RBFOX1: variants seen among roughly 807,000 people sequenced by gnomAD.
RBFOX1 encodes the protein RNA binding fox-1 homolog 1, also known as RNA binding protein fox-1 homolog 1.
In RBFOX1, 8 loss-of-function variants were observed where a neutral mutation model predicts 57.7. The ratio of observed to expected loss-of-function variants is 0.14; its 90% CI spans 0.08 to 0.25. The LOEUF (loss-of-function observed/expected upper bound fraction) is 0.25, where lower values mean the gene tolerates loss of function less well. RBFOX1 is among the 10% of genes least tolerant of loss of function. RBFOX1 has a pLI of 1.00. For missense variants in RBFOX1, 611 were observed against 548.5 expected (o/e 1.11, Z -1.14); for synonymous variants, 326 against 222.4 (o/e 1.47, Z -4.15).
At chr16:6,059,601 T>C (rs1233153869) in intron 1 of RBFOX1, among the ~76,000 whole-genome samples, 1 of 146,958 alleles carries the variant, frequency 6.8e-6, no homozygotes, top group African/African-American at 2.7e-5. Context: ...TGTGTTTAAA[T>C]GGGTTCTCTG....
intron 1 of RBFOX1, among the ~76,000 whole-genome samples, chr16:5,447,192 A>G (rs2068268914): frequency 6.6e-6 from 1 of 152,032 alleles, no homozygotes. Flanking sequence ...TTCCCCTCAA[A>G]GGAGTATTGT....
At chr16:7,388,571 A>T (rs2097923500) in intron 4 of RBFOX1, among the ~76,000 whole-genome samples, 2 of 150,868 alleles carry the variant, frequency 1.3e-5, no homozygotes, top group South Asian at 2.1e-4. Context: ...CCCTTACCTC[A>T]TATGGTTCTA....
chr16:5,613,759 A>G (rs1279450270), intron 3 of RBFOX1, among the ~76,000 whole-genome samples: 1 of 151,768 alleles, frequency 6.6e-6, no homozygotes, highest in African/African-American at 2.4e-5. Flanking sequence ...TCCAAGTTCA[A>G]GGTTCTGTCA....
chr16:5,716,924 C>A (rs1021434711), intron 3 of RBFOX1, among the ~76,000 whole-genome samples: 12 of 152,258 alleles, frequency 7.9e-5, no homozygotes, highest in Middle Eastern at 3.4e-3. Context: ...AGCACCGGAG[C>A]CTGGATTTGC....
At chr16:6,938,596 A>G (rs182466770) in intron 3 of RBFOX1, among the ~76,000 whole-genome samples, 39 of 151,726 alleles carry the variant, frequency 2.6e-4, no homozygotes, top group African/African-American at 8.7e-4. Context: ...TCCTCTGGCT[A>G]TGTGTGGTGG....
intron 1 of RBFOX1, among the ~76,000 whole-genome samples, chr16:6,233,173 T>C (rs1287780612): frequency 6.6e-6 from 1 of 152,132 alleles, no homozygotes; most frequent in Non-Finnish European, 1.5e-5. Flanking sequence ...TGTATTGTGA[T>C]TGGGTTTGGA....
chr16:7,314,268 T>C (rs1163244288), intron 4 of RBFOX1, among the ~76,000 whole-genome samples: 1 of 152,172 alleles, frequency 6.6e-6, no homozygotes, highest in Non-Finnish European at 1.5e-5. Flanking sequence ...CGGCACCGTA[T>C]TAATGATTTA....
chr16:6,264,725 T>G (rs2097722581), intron 1 of RBFOX1, among the ~76,000 whole-genome samples: 1 of 152,222 alleles, frequency 6.6e-6, no homozygotes, highest in African/African-American at 2.4e-5. Flanking sequence ...GAGGCCTAAG[T>G]GCCAGGCAGG....
chr16:7,697,212 G>A (rs1175253694), intron 14 of RBFOX1, among the ~76,000 whole-genome samples: 2 of 152,180 alleles, frequency 1.3e-5, no homozygotes, highest in East Asian at 1.9e-4. Flanking sequence ...GCTTGGGTTA[G>A]TGGGGTGGCT....
At chr16:5,485,345 C>CAAAAAAAAAAAAAAAAAAA (rs71142624) in intron 2 of RBFOX1, among the ~76,000 whole-genome samples, 5 of 51,668 alleles carry the variant, frequency 9.7e-5, no homozygotes, top group Admixed American at 3.0e-4. Context: ...GACTCCGTGT[C>CAAAAAAAAAAAAAAAAAAA]AAAAAAAAAA....
intron 3 of RBFOX1, among the ~76,000 whole-genome samples, chr16:6,898,111 C>G (rs778714338): frequency 6.6e-6 from 1 of 152,200 alleles, no homozygotes; most frequent in African/African-American, 2.4e-5. Flanking sequence ...GTAAATTCCA[C>G]ACCATATTCA....
At chr16:7,203,528 T>C (rs979985064) in intron 4 of RBFOX1, among the ~76,000 whole-genome samples, 53 of 152,360 alleles carry the variant, frequency 3.5e-4, no homozygotes, top group Non-Finnish European at 6.9e-4. Flanking sequence ...ATGGTTAAGA[T>C]AGTAACTTTT....
intron 3 of RBFOX1, among the ~76,000 whole-genome samples, chr16:5,852,593 C>T (rs1388251433): frequency 6.6e-6 from 1 of 152,246 alleles, no homozygotes; most frequent in South Asian, 2.1e-4. Context: ...AAGATGGCAG[C>T]TGAGAGTCCT....
chr16:7,208,740 A>G (rs976216594), intron 4 of RBFOX1, among the ~76,000 whole-genome samples: 7 of 152,146 alleles, frequency 4.6e-5, no homozygotes, highest in African/African-American at 1.7e-4. Context: ...GAGAGGCTGA[A>G]GCAAGAAGAT....
At chr16:6,344,631 T>C (rs536067669) in intron 2 of RBFOX1, among the ~76,000 whole-genome samples, 36 of 150,560 alleles carry the variant, frequency 2.4e-4, no homozygotes, top group African/African-American at 8.1e-4. Flanking sequence ...TCTCCTGACC[T>C]CGTGATTTGC....
At chr16:7,232,342 T>A (rs2093548988) in intron 4 of RBFOX1, among the ~76,000 whole-genome samples, 1 of 152,192 alleles carries the variant, frequency 6.6e-6, no homozygotes, top group Non-Finnish European at 1.5e-5. Flanking sequence ...ATAACTTGCT[T>A]GAGCTATGTG....
At chr16:6,425,978 C>T (rs2152996223) in intron 2 of RBFOX1, among the ~76,000 whole-genome samples, 2 of 152,230 alleles carry the variant, frequency 1.3e-5, no homozygotes, top group South Asian at 4.2e-4. Flanking sequence ...CCCTGGCTAC[C>T]ACTAGGTACA....
chr16:7,415,419 C>T (rs1250209259), intron 4 of RBFOX1, among the ~76,000 whole-genome samples: 1 of 152,150 alleles, frequency 6.6e-6, no homozygotes, highest in African/African-American at 2.4e-5. Context: ...TGATGAACTT[C>T]AAGCTCATGT....
intron 3 of RBFOX1, among the ~76,000 whole-genome samples, chr16:6,655,758 A>C (rs1381220621): frequency 6.6e-6 from 1 of 152,162 alleles, no homozygotes; most frequent in Non-Finnish European, 1.5e-5. Flanking sequence ...TCGTTCCACA[A>C]GTTTGAAAGA....
Sources: allele counts gnomAD v4.1 joint callset (sites outside exome capture counted in the v4.1 genomes callset), GRCh38; gene constraint gnomAD v4.1.1; transcripts MANE v1.5; gene names NCBI Gene and HGNC (gene_info 2026-07-23, HGNC 2026-07-21).